RAP1GAP2: variants seen among roughly 807,000 people sequenced by gnomAD.
The protein encoded by RAP1GAP2 is rap1 GTPase-activating protein 2.
In RAP1GAP2, 27 loss-of-function variants were observed where a neutral mutation model predicts 95.0. That is an observed-to-expected ratio of 0.28 (90% CI 0.21 to 0.39). The LOEUF is 0.39. Among genes scored for constraint, RAP1GAP2 ranks in the 10% least tolerant of loss-of-function variants. The probability of loss-of-function intolerance (pLI) is 1.00; values close to 1 mark genes in which losing one functional copy is unlikely to be tolerated. For missense variants in RAP1GAP2, 771 were observed against 970.0 expected (o/e 0.79, Z 2.72); for synonymous variants, 373 against 380.9 (o/e 0.98, Z 0.24).
chr17:2,802,447 C>T (rs112571612), intron 2 of RAP1GAP2, among the ~76,000 whole-genome samples: 3 of 152,196 alleles, frequency 2.0e-5, no homozygotes, highest in African/African-American at 7.2e-5. Context: ...TGGTGGTTCA[C>T]GCCTGTAATC....
At chr17:2,766,259 C>T (rs1170182746) in intron 1 of RAP1GAP2, among the ~76,000 whole-genome samples, 1 of 152,150 alleles carries the variant, frequency 6.6e-6, no homozygotes, top group African/African-American at 2.4e-5. Flanking sequence ...ATGTTTGTGT[C>T]CCCGGAAATT....
intron 3 of RAP1GAP2, among the ~76,000 whole-genome samples, chr17:2,940,485 C>T (rs1206185771): frequency 6.6e-6 from 1 of 152,238 alleles, no homozygotes; most frequent in Non-Finnish European, 1.5e-5. Context: ...AGGGACTCCT[C>T]AGCTGGGCTT....
rs1156749654 is a variant in RAP1GAP2 at position 2,871,120 on chromosome 17, T to G, written c.81-34164T>G. On this transcript the variant is annotated intron_variant, in intron 2 of 24. Coordinates refer to ENST00000254695, the MANE Select transcript of RAP1GAP2 (RefSeq NM_015085.5). This position sits in a 1 kb window ranked among gnomAD's most constrained non-coding sequence, Gnocchi z 5.0. ...CCAGGCATGCGCCGCCACACCTGGC[T>G]AATTTTTGTATTTTTAATAGAGACG... Among the ~76,000 whole-genome samples the G allele has an allele frequency of 6.6e-6, 1 of 152,124 alleles. No homozygotes were observed. The highest frequency in any genetic ancestry group is 1.5e-5 in the Non-Finnish European group (1 of 68,030).
chr17:3,032,505 G>C (rs1411486533), intron 24 of RAP1GAP2, 56 bp downstream of exon 24: 9 of 1,547,182 alleles, frequency 5.8e-6, no homozygotes, highest in Non-Finnish European at 8.0e-6. Flanking sequence ...GTTTCTTTTA[G>C]ATCAGGGAAC....
At chr17:2,932,000 A>T (rs1329741662) in intron 3 of RAP1GAP2, among the ~76,000 whole-genome samples, 7 of 152,082 alleles carry the variant, frequency 4.6e-5, no homozygotes, top group Non-Finnish European at 1.5e-5. Context: ...ATATATAATG[A>T]TATATTCAGT....
chr17:2,940,720 C>T (rs1317904815), intron 3 of RAP1GAP2, among the ~76,000 whole-genome samples: 2 of 152,202 alleles, frequency 1.3e-5, no homozygotes, highest in East Asian at 3.9e-4. Flanking sequence ...TGTGCCCGCT[C>T]CTGGTGAACA....
At chr17:2,943,057 C>T (rs779980221) in intron 3 of RAP1GAP2, among the ~76,000 whole-genome samples, 7 of 152,078 alleles carry the variant, frequency 4.6e-5, no homozygotes, top group Admixed American at 1.3e-4. Flanking sequence ...GTGTGAACCA[C>T]CACACCTGAC....
chr17:2,951,196 C>T (rs939119313), intron 3 of RAP1GAP2, among the ~76,000 whole-genome samples: 3 of 152,218 alleles, frequency 2.0e-5, no homozygotes, highest in Admixed American at 6.5e-5. Context: ...TCCAGCCAGC[C>T]GGGCTGATCC....
Position 3,034,340 on chromosome 17 carries a change from T to C in RAP1GAP2, c.*979T>C, listed in dbSNP as rs2047410804. On this transcript the variant is annotated 3_prime_UTR_variant, in exon 25 of 25. Transcript: ENST00000254695. This position sits in a 1 kb window ranked among gnomAD's most constrained non-coding sequence, Gnocchi z 5.1. ...GCCAGGCCGGAGCCCAGGTCTCTGCTGACAATGGGGGTTCAAGGAAGACGT... is the reference window on the plus strand; with the variant it reads ...GCCAGGCCGGAGCCCAGGTCTCTGCCGACAATGGGGGTTCAAGGAAGACGT... 1 of 227,968 alleles carries C rather than the reference T, an allele frequency of 4.4e-6. No homozygotes were observed. The highest frequency in any genetic ancestry group is 9.1e-6 in the Non-Finnish European group (1 of 110,056). 14.1% of individuals were successfully genotyped at this position (227,968 alleles called of 1,614,324 possible).
chr17:3,013,071 A>G (rs964086672), intron 17 of RAP1GAP2, among the ~76,000 whole-genome samples: 6 of 152,116 alleles, frequency 3.9e-5, no homozygotes, highest in African/African-American at 1.4e-4. Context: ...TGGACCCGGG[A>G]CCGTGGCAAG....
intron 1 of RAP1GAP2, among the ~76,000 whole-genome samples, chr17:2,765,343 G>A (rs1217073069): frequency 6.6e-6 from 1 of 152,078 alleles, no homozygotes; most frequent in African/African-American, 2.4e-5. Context: ...TACCTGAGCC[G>A]GGAGTGGTAG....
intron 1 of RAP1GAP2, among the ~76,000 whole-genome samples, chr17:2,766,169 G>A (rs190663989): frequency 2.5e-4 from 38 of 152,226 alleles, no homozygotes; most frequent in East Asian, 1.3e-3. Context: ...TTTTAGATCC[G>A]GGACACTGTG....
At chr17:2,776,208 G>A (rs1453042053), upstream of RAP1GAP2, among the ~76,000 whole-genome samples, 7 of 152,188 alleles carry the variant, frequency 4.6e-5, no homozygotes, top group Non-Finnish European at 1.0e-4. Flanking sequence ...ATCCCAGGCA[G>A]CGGGGAGTTT....
chr17:2,899,708 G>A (rs2041962382), intron 2 of RAP1GAP2, among the ~76,000 whole-genome samples: 1 of 150,926 alleles, frequency 6.6e-6, no homozygotes, highest in Admixed American at 6.6e-5. Context: ...ATGGGGTTTC[G>A]CCATGTTAGC....
intron 2 of RAP1GAP2, among the ~76,000 whole-genome samples, chr17:2,828,312 A>G (rs36131674): frequency 0.047 from 7,097 of 151,234 alleles, 240 homozygotes; most frequent in Middle Eastern, 0.095. Context: ...TTGCACTCCA[A>G]CCTGGGCGAC....
rs1006519932 is a variant in RAP1GAP2, at chr17:3,027,415, C to T, written c.2107+345C>T. On this transcript the variant is annotated intron_variant, in intron 22 of 24. Transcript: ENST00000254695. The surrounding 1 kb of genome is among the most constrained non-coding windows in gnomAD (Gnocchi z 5.2). The stretch of plus-strand genomic sequence containing the variant: ...TCCAACCCTTCTCCCCACCTGCCAG[C>T]GCTCCAGGGCTGCCAGGGCCCGTCT... 3.3e-5 allele frequency among the ~76,000 whole-genome samples: 5 copies of T among 152,058 alleles called. No individual in the cohort carries two copies. The South Asian group carries it at 6.2e-4, about 19-fold the overall frequency.
chr17:3,026,834 T>G (rs945047164), intron 21 of RAP1GAP2, 110 bp from the exon 22 acceptor site: 1 of 1,350,514 alleles, frequency 7.4e-7, no homozygotes, highest in Non-Finnish European at 1.0e-6. Flanking sequence ...CAGGCCCAAG[T>G]GGGGAGCAGG....
At chr17:2,762,279 G>A (rs1339545763) in intron 1 of RAP1GAP2, among the ~76,000 whole-genome samples, 6 of 151,610 alleles carry the variant, frequency 4.0e-5, no homozygotes, top group Non-Finnish European at 7.4e-5. Flanking sequence ...GAGCCACTGC[G>A]CCTGGCCGTC....
At chr17:2,842,332 C>A (rs2071401286) in intron 2 of RAP1GAP2, among the ~76,000 whole-genome samples, 1 of 152,038 alleles carries the variant, frequency 6.6e-6, no homozygotes, top group African/African-American at 2.4e-5. Flanking sequence ...GAGTTCGAGA[C>A]CAGCCTGGCC....
Sources: allele counts gnomAD v4.1 joint callset (sites outside exome capture counted in the v4.1 genomes callset), GRCh38; gene constraint gnomAD v4.1.1; non-coding constraint Gnocchi (gnomAD v3.1); transcripts MANE v1.5; gene names NCBI Gene and HGNC (gene_info 2026-07-23, HGNC 2026-07-21).